IL1RAPL2: variants seen among roughly 807,000 people sequenced by gnomAD.
IL1RAPL2 encodes the protein X-linked interleukin-1 receptor accessory protein-like 2.
Under a neutral mutation model 44.1 loss-of-function variants are expected in IL1RAPL2, and 3 were observed. The observed-to-expected ratio is 0.07, with a 90% CI of 0.03 to 0.18. IL1RAPL2 has a LOEUF of 0.18. IL1RAPL2 is among the 10% of genes least tolerant of loss of function. The pLI is 1.00. For synonymous variants in IL1RAPL2, 181 were observed against 178.8 expected (o/e 1.01, Z -0.10); for missense variants, 391 against 496.4 (o/e 0.79, Z 2.02).
In IL1RAPL2 at chrX:104,708,672, T is replaced by G. The variant is rs751460012; in HGVS notation, c.82+49677T>G. Among the ~76,000 whole-genome samples, 5 of 111,369 alleles carry G rather than the reference T, an allele frequency of 4.5e-5. No individual in the cohort carries two copies. In the East Asian group the frequency reaches 1.4e-3, roughly 32 times the overall value. On this transcript the variant is annotated intron_variant, in intron 2 of 10. Transcript: ENST00000372582. ...CATAACACATCCAGTTGAACTGTGG[T>G]GTGACTGAGAGGTGGAATGATATAG...
chrX:105,365,108 A>G (rs772196552), intron 5 of IL1RAPL2, among the ~76,000 whole-genome samples: 1 of 111,771 alleles, frequency 8.9e-6, no homozygotes, highest in African/African-American at 3.2e-5. Context: ...TTTTATTATG[A>G]ACAGATGTTG....
At chrX:105,042,169 A>C (rs1364877275) in intron 2 of IL1RAPL2, among the ~76,000 whole-genome samples, 32 of 111,133 alleles carry the variant, frequency 2.9e-4, no homozygotes, top group Non-Finnish European at 5.3e-4. Flanking sequence ...AGGCATTGGC[A>C]AGGACTTCAT....
intron 1 of IL1RAPL2, among the ~76,000 whole-genome samples, chrX:104,598,197 G>A (rs979356510): frequency 2.7e-5 from 3 of 112,157 alleles, no homozygotes; most frequent in African/African-American, 9.7e-5. Flanking sequence ...TATGTCTGGA[G>A]TTTAGACTTT....
rs577617914 is a variant in IL1RAPL2, at chrX:105,367,276, C to A, written c.697+99735C>A. 4.0e-4 allele frequency among the ~76,000 whole-genome samples: 45 copies of A among 111,352 alleles called. No individual in the cohort carries two copies. In the South Asian group the frequency reaches 0.016, roughly 41 times the overall value. ...TGTAGTTAGTTCTTGTTTTTTATAT[C>A]CATTCAGTCACATAGTGTCTTTTGA... On this transcript the variant is annotated intron_variant, in intron 5 of 10. Coordinates refer to ENST00000372582, the MANE Select transcript of IL1RAPL2 (RefSeq NM_017416.2).
At chrX:105,577,200 A>G (rs1265803444) in intron 6 of IL1RAPL2, among the ~76,000 whole-genome samples, 1 of 111,432 alleles carries the variant, frequency 9.0e-6, no homozygotes, top group Non-Finnish European at 1.9e-5. Flanking sequence ...AAATTTCACC[A>G]TCTTTTAAAA....
At chrX:105,332,920 T>C (rs113479165) in intron 5 of IL1RAPL2, among the ~76,000 whole-genome samples, 12,486 of 111,234 alleles carry the variant, frequency 0.11, 1,717 homozygotes, top group African/African-American at 0.39. Context: ...GAATCAATAT[T>C]GTTAGAATGT....
intron 1 of IL1RAPL2, among the ~76,000 whole-genome samples, chrX:104,593,978 A>G (rs907429813): frequency 1.8e-5 from 2 of 112,277 alleles, no homozygotes; most frequent in Admixed American, 1.9e-4. Context: ...ATGTTGTAAC[A>G]TATTTATTTC....
At position 104,731,300 on chromosome X, in the gene IL1RAPL2, A is replaced by G. The variant is rs1166944824; in HGVS notation, c.82+72305A>G. Among the ~76,000 whole-genome samples, 3 of 110,251 alleles carry G rather than the reference A, an allele frequency of 2.7e-5. 1 individual carries two copies. In the Admixed American group the frequency reaches 2.9e-4, roughly 11 times the overall value. On this transcript the variant is annotated intron_variant, in intron 2 of 10. Coordinates refer to ENST00000372582, the MANE Select transcript of IL1RAPL2 (RefSeq NM_017416.2). ...AGACATGAAGTCCTTGCCCATGCCT[A>G]TGTCCTGAATGGTAATGCCTAGGTT...
At chrX:105,168,920 A>T (rs2033396801) in intron 2 of IL1RAPL2, among the ~76,000 whole-genome samples, 1 of 111,487 alleles carries the variant, frequency 9.0e-6, no homozygotes, top group Non-Finnish European at 1.9e-5. Flanking sequence ...GGGCCTGTCA[A>T]GTTGACACAT....
At chrX:104,801,062 C>A (rs183473002) in intron 2 of IL1RAPL2, among the ~76,000 whole-genome samples, 1 of 112,752 alleles carries the variant, frequency 8.9e-6, no homozygotes, top group Non-Finnish European at 1.9e-5. Context: ...AAGGACTATG[C>A]GAATTCATTA....
At chrX:104,567,615 C>T (rs776870207) in intron 1 of IL1RAPL2, among the ~76,000 whole-genome samples, 11 of 112,325 alleles carry the variant, frequency 9.8e-5, no homozygotes, top group Non-Finnish European at 1.5e-4. Context: ...CTGTGGTTCC[C>T]GAGACGCCCC....
chrX:104,914,022 T>C (rs1924332044), intron 2 of IL1RAPL2, among the ~76,000 whole-genome samples: 1 of 111,634 alleles, frequency 9.0e-6, no homozygotes, highest in Admixed American at 9.6e-5. Context: ...TATTTTAAAA[T>C]AGGACATAAG....
chrX:104,876,269 A>AT (rs757145154), intron 2 of IL1RAPL2, among the ~76,000 whole-genome samples: 1 of 111,618 alleles, frequency 9.0e-6, no homozygotes, highest in South Asian at 3.8e-4. Flanking sequence ...CTCTGAAGGC[A>AT]TTTAGCACAT....
intron 1 of IL1RAPL2, among the ~76,000 whole-genome samples, chrX:104,601,671 C>T (rs1171959391): frequency 8.9e-6 from 1 of 112,085 alleles, no homozygotes; most frequent in East Asian, 2.8e-4. Flanking sequence ...GCATCACCAG[C>T]ATCTGTTGTT....
intron 5 of IL1RAPL2, among the ~76,000 whole-genome samples, chrX:105,379,663 C>G (rs765342027): frequency 4.5e-5 from 5 of 111,579 alleles, no homozygotes; most frequent in Middle Eastern, 4.2e-3. Flanking sequence ...GTGGTAGAAC[C>G]TTGTACAGTC....
intron 2 of IL1RAPL2, among the ~76,000 whole-genome samples, chrX:105,084,798 T>C (rs1485466712): frequency 2.7e-5 from 3 of 111,657 alleles, no homozygotes; most frequent in Non-Finnish European, 5.6e-5. Flanking sequence ...TGATATGGTT[T>C]GGCTCTGTGT....
intron 2 of IL1RAPL2, among the ~76,000 whole-genome samples, chrX:105,075,314 C>A (rs1262015192): frequency 1.8e-5 from 2 of 111,785 alleles, no homozygotes; most frequent in African/African-American, 3.3e-5. Flanking sequence ...TGGTTTTTGT[C>A]TTTGGTTCTG....
At chrX:104,625,148 T>A (rs1320834423) in intron 1 of IL1RAPL2, among the ~76,000 whole-genome samples, 1 of 111,673 alleles carries the variant, frequency 9.0e-6, no homozygotes, top group Non-Finnish European at 1.9e-5. Context: ...CCAACTGACG[T>A]GCAACATCAT....
At chrX:104,902,108 G>A (rs1923836219) in intron 2 of IL1RAPL2, among the ~76,000 whole-genome samples, 1 of 111,567 alleles carries the variant, frequency 9.0e-6, no homozygotes, top group Admixed American at 9.5e-5. Flanking sequence ...TTACACTTGG[G>A]CGTTTCTATG....
Sources: gnomAD v4.1 joint callset for allele counts (sites outside exome capture counted in the v4.1 genomes callset) on GRCh38, gnomAD v4.1.1 for gene constraint, MANE v1.5 for transcripts, NCBI Gene and HGNC (gene_info 2026-07-23, HGNC 2026-07-21) for gene names.